Variants in LRMDA observed in about 807,000 individuals in gnomAD.
LRMDA encodes leucine rich melanocyte differentiation associated, also known as leucine-rich melanocyte differentiation-associated protein.
Under a neutral mutation model 29.8 loss-of-function variants are expected in LRMDA, and 18 were observed. The observed-to-expected ratio is 0.60, with a 90% CI of 0.42 to 0.90. LRMDA has a LOEUF of 0.90. LRMDA is among the 40% of genes least tolerant of loss of function. The pLI is 0.00. For synonymous variants in LRMDA, 125 were observed against 109.4 expected, an observed-to-expected ratio of 1.14 and a Z score of -0.89; for missense variants, 273 against 273.9, an observed-to-expected ratio of 1.00 and a Z score of 0.02.
At chr10:75,848,340 C>G (rs948725132) in intron 2 of LRMDA, among the ~76,000 whole-genome samples, 8 of 152,284 alleles carry the variant, frequency 5.3e-5, no homozygotes, top group African/African-American at 1.9e-4. Flanking sequence ...TAGGAAGTAA[C>G]TAAAGTAGTC....
At chr10:76,150,879 T>C (rs949396498) in intron 5 of LRMDA, among the ~76,000 whole-genome samples, 1 of 152,214 alleles carries the variant, frequency 6.6e-6, no homozygotes, top group African/African-American at 2.4e-5. Flanking sequence ...CTGCATCCAC[T>C]GAGACGCAGT....
At chr10:76,144,531 T>C (rs1482447137) in intron 5 of LRMDA, among the ~76,000 whole-genome samples, 6 of 152,316 alleles carry the variant, frequency 3.9e-5, no homozygotes, top group African/African-American at 4.8e-5. Context: ...GTGATTTTTG[T>C]ACATTGATTT....
chr10:75,578,282 C>A (rs561712964), intron 2 of LRMDA, among the ~76,000 whole-genome samples: 4 of 137,722 alleles, frequency 2.9e-5, no homozygotes, highest in Non-Finnish European at 6.3e-5. Flanking sequence ...GACTTTAAAC[C>A]AACAAAGATC....
At chr10:76,420,368 A>G (rs73292524) in intron 6 of LRMDA, among the ~76,000 whole-genome samples, 6,675 of 151,994 alleles carry the variant, frequency 0.044, 172 homozygotes, top group African/African-American at 0.058. Flanking sequence ...TTTTTCAGGT[A>G]CTATATTGAT....
intron 2 of LRMDA, among the ~76,000 whole-genome samples, chr10:75,491,067 G>A (rs932093897): frequency 2.0e-5 from 3 of 152,150 alleles, no homozygotes; most frequent in African/African-American, 7.2e-5. Flanking sequence ...GGAAGGAGAG[G>A]CAGCATTATT....
chr10:76,032,759 C>T (rs183858863), intron 2 of LRMDA, among the ~76,000 whole-genome samples: 368 of 152,200 alleles, frequency 2.4e-3, no homozygotes, highest in African/African-American at 8.6e-3. Flanking sequence ...GATCTCCCTC[C>T]AGCTGGCTGT....
intron 2 of LRMDA, among the ~76,000 whole-genome samples, chr10:75,556,466 G>A (rs187571133): frequency 3.3e-5 from 5 of 152,290 alleles, no homozygotes; most frequent in Non-Finnish European, 5.9e-5. Context: ...AGAAAACTAA[G>A]ATGATTAATC....
At chr10:76,129,233 C>T (rs376253082) in intron 5 of LRMDA, among the ~76,000 whole-genome samples, 58 of 152,230 alleles carry the variant, frequency 3.8e-4, no homozygotes, top group African/African-American at 1.3e-3. Flanking sequence ...GGCTGATACC[C>T]CCTTCACTTT....
chr10:75,471,308 T>C (rs1844723538), intron 2 of LRMDA, among the ~76,000 whole-genome samples: 2 of 152,150 alleles, frequency 1.3e-5, no homozygotes, highest in Admixed American at 6.5e-5. Flanking sequence ...CTTACCTTTT[T>C]TTTTTTCTGT....
At chr10:75,744,181 C>T (rs1043755561) in intron 2 of LRMDA, among the ~76,000 whole-genome samples, 2 of 152,136 alleles carry the variant, frequency 1.3e-5, no homozygotes, top group Admixed American at 6.5e-5. Context: ...AGAGTAAAGG[C>T]GGTTGGTAAT....
chr10:76,410,184 A>C (rs756941677), intron 6 of LRMDA, among the ~76,000 whole-genome samples: 68 of 150,910 alleles, frequency 4.5e-4, no homozygotes, highest in Middle Eastern at 3.4e-3. Flanking sequence ...GAGAGTAAGG[A>C]GGTGATCGAG....
chr10:75,437,107 C>T (rs1427296616), intron 1 of LRMDA, among the ~76,000 whole-genome samples: 1 of 152,160 alleles, frequency 6.6e-6, no homozygotes, highest in Non-Finnish European at 1.5e-5. Context: ...GCATTGTCAG[C>T]AGTTTGTCCT....
At chr10:75,900,313 T>A (rs111679952) in intron 2 of LRMDA, among the ~76,000 whole-genome samples, 1 of 152,194 alleles carries the variant, frequency 6.6e-6, no homozygotes, top group Admixed American at 6.5e-5. Flanking sequence ...GTGCTCCAAG[T>A]TGGAGCTGAC....
chr10:75,596,488 A>G (rs1840789332), intron 2 of LRMDA, among the ~76,000 whole-genome samples: 1 of 152,070 alleles, frequency 6.6e-6, no homozygotes, highest in Non-Finnish European at 1.5e-5. Context: ...TGCACTTACA[A>G]CAAACCCTCA....
Position 76,225,284 on chromosome 10 carries a change from G to A in LRMDA, c.517-99117G>A, listed in dbSNP as rs183373629. Among the ~76,000 whole-genome samples, 447 of 152,020 alleles carry A rather than the reference G, an allele frequency of 2.9e-3. 3 individuals are homozygous for A. Among genetic ancestry groups the A allele is most frequent in the African/African-American group, 7.2e-3 (297 of 41,476 alleles). On this transcript the variant is annotated intron_variant, in intron 5 of 6. Coordinates refer to ENST00000611255, the MANE Select transcript of LRMDA (RefSeq NM_001305581.2). ...AAACTAGCTGGGCGTGGTGGTGGGC[G>A]CCTGTAATCCCAGCTACTCAGGAGG...
intron 2 of LRMDA, among the ~76,000 whole-genome samples, chr10:75,954,234 AT>A (rs933153654): frequency 1.6e-4 from 25 of 152,116 alleles, no homozygotes; most frequent in Non-Finnish European, 2.5e-4. Flanking sequence ...TAACACCTTG[AT>A]TTTGGCCTTG....
chr10:76,179,941 C>A (rs928657309), intron 5 of LRMDA, among the ~76,000 whole-genome samples: 1 of 152,280 alleles, frequency 6.6e-6, no homozygotes, highest in East Asian at 1.9e-4. Context: ...TAATGAAAAA[C>A]GCTGAAGGTA....
intron 3 of LRMDA, among the ~76,000 whole-genome samples, chr10:76,045,303 A>G (rs543644300): frequency 9.5e-5 from 10 of 105,296 alleles, no homozygotes; most frequent in African/African-American, 3.9e-4. Context: ...CTCTCTTGCC[A>G]GTTTCCCCCT....
intron 2 of LRMDA, among the ~76,000 whole-genome samples, chr10:75,764,873 G>C (rs1199498261): frequency 6.6e-6 from 1 of 151,940 alleles, no homozygotes; most frequent in Non-Finnish European, 1.5e-5. Flanking sequence ...GAAACAATGG[G>C]ATCCTTCAAG....
Sources: allele counts gnomAD v4.1 joint callset (sites outside exome capture counted in the v4.1 genomes callset), GRCh38; gene constraint gnomAD v4.1.1; transcripts MANE v1.5; gene names NCBI Gene and HGNC (gene_info 2026-07-23, HGNC 2026-07-21).